The following TRANK1 variants were observed in gnomAD, a reference collection of about 807,000 sequenced individuals.
TRANK1 encodes TPR and ankyrin repeat-containing protein 1.
TRANK1 carries 198 observed loss-of-function variants against 266.0 expected under a neutral mutation model. That is an observed-to-expected ratio of 0.74 (90% CI 0.66 to 0.84). The LOEUF is 0.84. Among genes scored for constraint, TRANK1 ranks in the 40% least tolerant of loss-of-function variants. The probability of loss-of-function intolerance (pLI) is 0.00; values close to 1 mark genes in which losing one functional copy is unlikely to be tolerated. For missense variants in TRANK1, 3,326 were observed against 3,634.6 expected, an observed-to-expected ratio of 0.92 and a Z score of 2.18; for synonymous variants, 1,396 against 1,384.1, an observed-to-expected ratio of 1.01 and a Z score of -0.19.
intron 2 of TRANK1, among the ~76,000 whole-genome samples, chr3:36,904,368 A>G (rs1232572433): frequency 6.6e-6 from 1 of 151,914 alleles, no homozygotes; most frequent in Non-Finnish European, 1.5e-5. Context: ...AAATACAAAA[A>G]AATTATCTGG....
chr3:36,899,222 T>C lies in TRANK1; in HGVS notation c.320A>G (p.His107Arg). Residue 107 changes from histidine (H) to arginine (R), a missense_variant, in exon 4 of 24, where the codon CAC becomes CGC. Transcript: ENST00000645898. ...CATGCGAGCGGCTTCGTAAGGCTGG[T>C]GCAACCTCAGCAAGGAATAACCAGC... Reference protein sequence around the residue: ...YRAGYSLLRLHQPYEAARMFF... With the variant: ...YRAGYSLLRLRQPYEAARMFF... 6.5e-7 allele frequency: 1 copy of C among 1,537,254 alleles called. No individual in the cohort carries two copies. Among genetic ancestry groups the C allele is most frequent in the African/African-American group, 1.4e-5 (1 of 73,162 alleles).
At position 36,944,919 on chromosome 3, in the gene TRANK1, G is replaced by C. The variant is rs1300501757; in HGVS notation, c.-110C>G. The C allele has an allele frequency of 1.6e-5, 19 of 1,188,506 alleles. No homozygotes were observed. Among genetic ancestry groups the C allele is most frequent in the Non-Finnish European group, 2.0e-5 (18 of 912,742 alleles). The allele number at this position is 1,188,506 out of a possible 1,614,324, so 73.6% of individuals were successfully genotyped here. On this transcript the variant is annotated 5_prime_UTR_variant, in exon 1 of 24. Transcript: ENST00000645898. The stretch of plus-strand genomic sequence containing the variant: ...AGCCCGAAAGCTACCGGAGCCCGGG[G>C]CAGGGGCGGCGCGATGCAGAGGCGG...
Position 36,892,301 on chromosome 3 carries a change from C to T in TRANK1, c.676G>A (p.Val226Met), listed in dbSNP as rs555531848. ...ATGAGCCACTGGACTAACTTGGGCA[C>T]TTGTTCCATCTTCTCATAAAGTCCA... is the stretch of plus-strand genomic sequence containing the variant. ...FIGLYEKMEQ[V>M]PKLVQWLISI... is the part of the protein sequence containing the mutation. The change falls in exon 7 of 24, where the codon GTG becomes ATG. Residue 226 changes from valine (V) to methionine (M), a missense_variant. Physicochemically the swap from Val to Met is conservative, Grantham distance 21. Coordinates refer to ENST00000645898, the MANE Select transcript of TRANK1 (RefSeq NM_001329998.2). The T allele has an allele frequency of 3.9e-6, 6 of 1,537,174 alleles. No individual in the cohort carries two copies. In the East Asian group the frequency reaches 7.3e-5, roughly 19 times the overall value.
Position 36,856,135 on chromosome 3 carries a change from G to C in TRANK1, c.3587C>G (p.Thr1196Ser). The C allele has an allele frequency of 6.2e-7, 1 of 1,613,888 alleles. No homozygotes were observed. Among genetic ancestry groups the C allele is most frequent in the East Asian group, 2.2e-5 (1 of 44,870 alleles). Residue 1196 changes from threonine (T) to serine (S), a missense_variant, in exon 13 of 24, where the codon ACC (threonine) becomes AGC (serine). Coordinates refer to ENST00000645898, the MANE Select transcript of TRANK1 (RefSeq NM_001329998.2). ...CTCCTGGCACAGCACATGGTTCTTGGTCACAAAGATCTGATGTAAATGCTC... is the reference window on the plus strand; with the variant it reads ...CTCCTGGCACAGCACATGGTTCTTGCTCACAAAGATCTGATGTAAATGCTC... ...QLEHLHQIFVTKNHVLCQEVQ... is the reference protein window; with the variant it reads ...QLEHLHQIFVSKNHVLCQEVQ...
chr3:36,876,019 T>C (rs892719084), intron 8 of TRANK1, among the ~76,000 whole-genome samples: 1 of 152,238 alleles, frequency 6.6e-6, no homozygotes, highest in Non-Finnish European at 1.5e-5. Context: ...TCAACTTAAA[T>C]ACATGCAGAG....
chr3:36,842,761 A>C, intron 17 of TRANK1, 51 bp from the exon 18 acceptor site: 1 of 1,531,640 alleles, frequency 6.5e-7, no homozygotes. Context: ...TCTTTCACTT[A>C]AAACTGTTGT....
rs1217493581 is a variant in TRANK1 at position 36,893,332 on chromosome 3, G to A, written c.553-348C>T. On this transcript the variant is annotated intron_variant, in intron 5 of 23. Coordinates refer to ENST00000645898, the MANE Select transcript of TRANK1 (RefSeq NM_001329998.2). ...CCAAGTTCTTAAGGCTTAGCAAGTG[G>A]AAGACTCAAATCCTTTAGAAATATC... Among the ~76,000 whole-genome samples, 5 of 151,972 alleles carry A rather than the reference G, an allele frequency of 3.3e-5. No individual in the cohort carries two copies. The East Asian group carries it at 9.6e-4, about 29-fold the overall frequency.
intron 1 of TRANK1, among the ~76,000 whole-genome samples, chr3:36,923,501 C>T (rs1020257218): frequency 2.0e-5 from 3 of 152,124 alleles, no homozygotes; most frequent in African/African-American, 7.2e-5. Flanking sequence ...GGTGATCCAC[C>T]TGCCTCGGCA....
At chr3:36,927,299 G>A (rs569564480) in intron 1 of TRANK1, among the ~76,000 whole-genome samples, 3 of 152,364 alleles carry the variant, frequency 2.0e-5, no homozygotes, top group South Asian at 4.1e-4. Flanking sequence ...TGTCAGTGGA[G>A]GAATGTGGAG....
At chr3:36,860,790 A>T in intron 11 of TRANK1, 116 bp downstream of exon 11, 2 of 1,403,256 alleles carry the variant, frequency 1.4e-6, no homozygotes, top group Non-Finnish European at 1.9e-6. Context: ...AGGGTAGGCA[A>T]TGAGGGTGAA....
At chr3:36,834,187 A>T (rs927870413) in intron 21 of TRANK1, among the ~76,000 whole-genome samples, 2 of 152,256 alleles carry the variant, frequency 1.3e-5, no homozygotes, top group Non-Finnish European at 2.9e-5. Flanking sequence ...AACTCAAACA[A>T]GTGGGAGTGA....
At chr3:36,904,599 C>T (rs747686853) in intron 2 of TRANK1, among the ~76,000 whole-genome samples, 2 of 152,082 alleles carry the variant, frequency 1.3e-5, no homozygotes, top group Non-Finnish European at 2.9e-5. Context: ...GTAGATAATG[C>T]AGACAAGCAC....
Position 36,831,499 on chromosome 3 carries a change from T to C in TRANK1, c.8084A>G (p.Asp2695Gly), listed in dbSNP as rs746621109. 6.2e-7 allele frequency: 1 copy of C among 1,613,294 alleles called. No individual in the cohort carries two copies. Among genetic ancestry groups the C allele is most frequent in the South Asian group, 1.1e-5 (1 of 90,902 alleles). The change falls in exon 22 of 24, where the codon GAT (aspartate) becomes GGT (glycine). Residue 2695 changes from aspartate (D) to glycine (G), a missense_variant. Physicochemically the swap from Asp to Gly is moderately conservative, Grantham distance 94. Transcript: ENST00000645898. This position sits in a 1 kb window ranked among gnomAD's most constrained non-coding sequence, Gnocchi z 5.0. ...PECEFGQDEMDELALEDRDHV... is the reference protein window; with the variant it reads ...PECEFGQDEMGELALEDRDHV... The stretch of plus-strand genomic sequence containing the variant: ...GTCTCGGTCTTCTAATGCCAGTTCA[T>C]CCATCTCATCCTGGCCAAACTCACA...
rs1306053878 is a variant in TRANK1 at position 36,855,936 on chromosome 3, A to C, written c.3786T>G (p.Phe1262Leu). 7 of 1,613,286 alleles carry C rather than the reference A, an allele frequency of 4.3e-6. No homozygotes were observed. In the African/African-American group the frequency reaches 9.4e-5, roughly 22 times the overall value. ...LLDASLPKPF[F>L]LRNEDGSLKR... The stretch of plus-strand genomic sequence containing the variant: ...TCAAGCTTCCATCTTCGTTTCTCAG[A>C]AAAAATGGTTTGGGCAGAGAAGCAT... The change falls in exon 13 of 24, where the codon TTT becomes TTG. Residue 1262 changes from phenylalanine (F) to leucine (L), a missense_variant. Transcript: ENST00000645898.
At chr3:36,891,355 T>C (rs942189462) in intron 7 of TRANK1, among the ~76,000 whole-genome samples, 1 of 151,918 alleles carries the variant, frequency 6.6e-6, no homozygotes, top group African/African-American at 2.4e-5. Flanking sequence ...AAAAAAAATC[T>C]CTTATAAATT....
chr3:36,929,739 T>C (rs1238560617), intron 1 of TRANK1, among the ~76,000 whole-genome samples: 2 of 152,212 alleles, frequency 1.3e-5, no homozygotes, highest in Non-Finnish European at 2.9e-5. Flanking sequence ...ACCGATGTAA[T>C]TATCATTACA....
chr3:36,913,921 T>G (rs1004764900), intron 1 of TRANK1, among the ~76,000 whole-genome samples: 1 of 151,968 alleles, frequency 6.6e-6, no homozygotes, highest in Non-Finnish European at 1.5e-5. Flanking sequence ...CCCATCAACT[T>G]TAAGTTATTC....
intron 9 of TRANK1, 119 bp downstream of exon 9, chr3:36,874,007 C>A: frequency 1.0e-5 from 8 of 801,064 alleles, no homozygotes; most frequent in Non-Finnish European, 1.2e-5. Flanking sequence ...GTAGGTCTCA[C>A]TTCCATATAT....
Position 36,833,001 on chromosome 3 carries a change from C to T in TRANK1, c.6582G>A (p.Arg2194=), listed in dbSNP as rs776467891. 2.5e-6 allele frequency: 4 copies of T among 1,612,006 alleles called. No homozygotes were observed. The South Asian group carries it at 4.4e-5, about 18-fold the overall frequency. ...LGKTYRGVCM[R]FIVGLKCEDE... Reference sequence around the variant, plus strand: ...CCTCACATTTTAAGCCTACAATAAACCTCATGCAGACTCCTCGGTAGGTCT... The same window carrying T: ...CCTCACATTTTAAGCCTACAATAAATCTCATGCAGACTCCTCGGTAGGTCT... Residue 2194 remains arginine (R), a synonymous_variant, in exon 22 of 24, where the codon AGG becomes AGA. Transcript: ENST00000645898.
Sources: allele counts gnomAD v4.1 joint callset (sites outside exome capture counted in the v4.1 genomes callset), GRCh38; gene constraint gnomAD v4.1.1; non-coding constraint Gnocchi (gnomAD v3.1); transcripts MANE v1.5; gene names NCBI Gene and HGNC (gene_info 2026-07-23, HGNC 2026-07-21).